Variants in DPM1 observed in about 807,000 individuals in gnomAD.
DPM1 encodes the protein dolichol-phosphate mannosyltransferase subunit 1.
DPM1 carries 27 observed loss-of-function variants against 39.0 expected under a neutral mutation model. That is an observed-to-expected ratio of 0.69 (90% CI 0.51 to 0.95). The LOEUF (loss-of-function observed/expected upper bound fraction) is 0.95. Ranked by LOEUF, DPM1 falls within the 40% of genes least tolerant of loss-of-function variation. DPM1 has a pLI of 0.00. For synonymous variants in DPM1, 124 were observed against 109.0 expected (o/e 1.14, Z -0.86); for missense variants, 307 against 315.6 (o/e 0.97, Z 0.21).
chr20:50,945,936 G>A lies in DPM1; in HGVS notation c.296-13C>T. 1 of 1,607,160 alleles carries A rather than the reference G, an allele frequency of 6.2e-7. No individual in the cohort carries two copies. Among genetic ancestry groups the A allele is most frequent in the Non-Finnish European group, 8.5e-7 (1 of 1,174,366 alleles). ...ATATATGCAGTTCCTAAAAATGAAA[G>A]TAGATCCATTCAAGAAAATCAACAG... On this transcript the variant is annotated splice_polypyrimidine_tract_variant and intron_variant, in intron 3 of 8. Coordinates refer to ENST00000371588, the MANE Select transcript of DPM1 (RefSeq NM_003859.3).
chr20:50,955,272 CAT>C lies in DPM1; in HGVS notation c.173_174del (p.Tyr58Ter), dbSNP rs1350257432. ...VKSFSESGIN[Y>X]EIIIIDDGSP... is the part of the protein sequence containing the mutation. The stretch of plus-strand genomic sequence containing the variant: ...CTTCCATCATCTATGATTATAATTT[CAT>C]AGTTGATTCCACTAAAAAAATTAAA... On this transcript the variant is annotated frameshift_variant, in exon 2 of 9. Transcript: ENST00000371588. LOFTEE classifies it high-confidence loss of function. 6.2e-7 allele frequency: 1 copy of C among 1,611,976 alleles called. No homozygotes were observed. The highest frequency in any genetic ancestry group is 1.1e-5 in the South Asian group (1 of 91,006).
At chr20:50,946,271 C>T (rs1485016323) in intron 3 of DPM1, among the ~76,000 whole-genome samples, 1 of 152,206 alleles carries the variant, frequency 6.6e-6, no homozygotes, top group Non-Finnish European at 1.5e-5. Flanking sequence ...TCCTTGGCAT[C>T]CCCCTAAGAC....
intron 2 of DPM1, among the ~76,000 whole-genome samples, chr20:50,952,971 G>C (rs1487711153): frequency 6.6e-6 from 1 of 152,186 alleles, no homozygotes; most frequent in Non-Finnish European, 1.5e-5. Context: ...TTGCCCCCAA[G>C]GGTAACTACG....
rs769480044 is a variant in DPM1, at chr20:50,958,397, T to A, written c.127A>T (p.Ile43Phe). The A allele has an allele frequency of 6.2e-7, 1 of 1,614,030 alleles. No homozygotes were observed. The highest frequency in any genetic ancestry group is 1.7e-5 in the Admixed American group (1 of 60,032). ...AAGCTTTTCACCAGCAGCCACACGA[T>A]GAGCGGCAGGTTCTCGCGCTCGTTG... ...TYNERENLPL[I>F]VWLLVKSFSE... Residue 43 changes from isoleucine to phenylalanine, a missense_variant, in exon 1 of 9, where the codon ATC becomes TTC. This residue lies in a region of DPM1 where 206 missense variants were observed against 188.2 expected (regional missense o/e 1.09). Transcript: ENST00000371588.
intron 2 of DPM1, among the ~76,000 whole-genome samples, 178 bp downstream of exon 2, chr20:50,955,008 T>TAC (rs1345213944): frequency 6.6e-6 from 1 of 152,234 alleles, no homozygotes; most frequent in African/African-American, 2.4e-5. Flanking sequence ...TGACCCAACA[T>TAC]ACCAAAGATA....
chr20:50,941,944 G>A (rs576598901), intron 6 of DPM1, 87 bp downstream of exon 6: 32 of 1,150,802 alleles, frequency 2.8e-5, no homozygotes, highest in Admixed American at 1.9e-4. Flanking sequence ...CACAAATCCC[G>A]GGCAGCATGA....
chr20:50,955,712 C>T (rs1380569751), intron 1 of DPM1, among the ~76,000 whole-genome samples: 32 of 152,076 alleles, frequency 2.1e-4, no homozygotes, highest in African/African-American at 6.5e-4. Context: ...TACAGGCGCC[C>T]ACCACCACGC....
intron 1 of DPM1, 47 bp downstream of exon 1, chr20:50,958,316 G>T: frequency 6.2e-7 from 1 of 1,605,408 alleles, no homozygotes; most frequent in African/African-American, 1.3e-5. Context: ...CCGGGCCGGG[G>T]AAGCCAGCTC....
At chr20:50,943,479 C>A (rs2123105568) in intron 5 of DPM1, among the ~76,000 whole-genome samples, 1 of 151,462 alleles carries the variant, frequency 6.6e-6, no homozygotes, top group South Asian at 2.1e-4. Flanking sequence ...CCTGCCTCAG[C>A]CTCCCAAGTA....
chr20:50,941,360 C>CATATACATATATTCATATTATATATACAT (rs1568762937), intron 6 of DPM1, among the ~76,000 whole-genome samples: 4 of 116,028 alleles, frequency 3.4e-5, no homozygotes, highest in African/African-American at 1.3e-4. Context: ...TATTCATATA[C>CATATACATATATTCATATTATATATACAT]ATATATATTC....
intron 7 of DPM1, among the ~76,000 whole-genome samples, chr20:50,937,842 A>T (rs1339389803): frequency 1.3e-5 from 2 of 151,556 alleles, no homozygotes; most frequent in African/African-American, 4.9e-5. Context: ...TATTATTTTT[A>T]TTTTTTTAGT....
At position 50,935,011 on chromosome 20, in the gene DPM1, T is replaced by G; in HGVS notation, c.*121A>C. On this transcript the variant is annotated 3_prime_UTR_variant, in exon 9 of 9. Transcript: ENST00000371588. ...AAAATAGGTGGTCTTCATAAAAAGA[T>G]GCATGAAATTTACCTTACCTTATAT... 2 of 624,810 alleles carry G rather than the reference T, an allele frequency of 3.2e-6. No homozygotes were observed. The allele number at this position is 624,810 out of a possible 1,614,324, so 38.7% of individuals were successfully genotyped here.
chr20:50,939,306 A>G (rs749166213), intron 7 of DPM1, among the ~76,000 whole-genome samples: 9 of 152,066 alleles, frequency 5.9e-5, no homozygotes, highest in Admixed American at 1.3e-4. Flanking sequence ...CTGTACAGAG[A>G]TTTTGTGAGT....
chr20:50,940,515 C>G (rs552355820), intron 7 of DPM1, among the ~76,000 whole-genome samples: 2 of 152,288 alleles, frequency 1.3e-5, no homozygotes, highest in Non-Finnish European at 2.9e-5. Flanking sequence ...AAGAGTTTAA[C>G]CTTTTCTGTA....
intron 7 of DPM1, among the ~76,000 whole-genome samples, chr20:50,938,119 A>G (rs2123070541): frequency 6.6e-6 from 1 of 152,240 alleles, no homozygotes; most frequent in South Asian, 2.1e-4. Flanking sequence ...TAACTTTAAC[A>G]CTGTGGCTAG....
intron 2 of DPM1, among the ~76,000 whole-genome samples, chr20:50,951,796 A>AT (rs1230748483): frequency 7.0e-6 from 1 of 142,378 alleles, no homozygotes; most frequent in Non-Finnish European, 1.5e-5. Context: ...CTCAAAAAAA[A>AT]AATAAATAAA....
At chr20:50,958,319 G>A in intron 1 of DPM1, 44 bp downstream of exon 1, 1 of 1,606,408 alleles carries the variant, frequency 6.2e-7, no homozygotes, top group Non-Finnish European at 8.5e-7. Context: ...GGCCGGGGAA[G>A]CCAGCTCATC....
Position 50,945,768 on chromosome 20 carries a change from A to G in DPM1, c.373-6T>C. 1 of 1,603,508 alleles carries G rather than the reference A, an allele frequency of 6.2e-7. No individual in the cohort carries two copies. Among genetic ancestry groups the G allele is most frequent in the East Asian group, 2.2e-5 (1 of 44,718 alleles). On this transcript the variant is annotated splice_polypyrimidine_tract_variant and splice_region_variant and intron_variant, in intron 4 of 8. Coordinates refer to ENST00000371588, the MANE Select transcript of DPM1 (RefSeq NM_003859.3). ...AATTCAGGAATAAATTTTGGCTGAAATTTGAAAAGAATAAACAGTAAGTCA... is the reference window on the plus strand; with the variant it reads ...AATTCAGGAATAAATTTTGGCTGAAGTTTGAAAAGAATAAACAGTAAGTCA...
intron 1 of DPM1, among the ~76,000 whole-genome samples, chr20:50,956,216 A>G (rs1387633440): frequency 2.0e-5 from 3 of 152,230 alleles, no homozygotes; most frequent in Non-Finnish European, 4.4e-5. Context: ...CTCAGGTGGT[A>G]GTTTCTAGTC....
Sources: gnomAD v4.1 joint callset for allele counts (sites outside exome capture counted in the v4.1 genomes callset) on GRCh38, gnomAD v4.1.1 for gene constraint, gnomAD v4.1.1 regional missense constraint, MANE v1.5 for transcripts, NCBI Gene and HGNC (gene_info 2026-07-23, HGNC 2026-07-21) for gene names.